Variants in SCARB1 observed in about 807,000 individuals in gnomAD.
SCARB1 encodes the protein CD36 and LIMPII analogous 1.
In SCARB1, 30 loss-of-function variants were observed where a neutral mutation model predicts 57.2. The observed-to-expected ratio is 0.52, with a 90% CI of 0.39 to 0.71. SCARB1 has a LOEUF of 0.71. Ranked by LOEUF, SCARB1 falls within the 30% of genes least tolerant of loss-of-function variation. The pLI, the probability that SCARB1 is intolerant of heterozygous loss-of-function variation, is 0.00. For synonymous variants in SCARB1, 249 were observed against 268.3 expected (o/e 0.93, Z 0.70); for missense variants, 543 against 671.2 (o/e 0.81, Z 2.11).
intron 9 of SCARB1, among the ~76,000 whole-genome samples, chr12:124,791,632 G>A (rs377123583): frequency 2.0e-5 from 3 of 152,134 alleles, no homozygotes; most frequent in Non-Finnish European, 2.9e-5. Flanking sequence ...ACTGAGGGGC[G>A]GTGACGAAAG....
chr12:124,827,930 G>C (rs914223548), intron 1 of SCARB1, among the ~76,000 whole-genome samples: 7 of 152,154 alleles, frequency 4.6e-5, no homozygotes, highest in Non-Finnish European at 8.8e-5. Flanking sequence ...AAGATCCTCA[G>C]CTGCTTTGTT....
intron 1 of SCARB1, among the ~76,000 whole-genome samples, chr12:124,843,563 C>T (rs975439262): frequency 1.3e-5 from 2 of 152,200 alleles, no homozygotes; most frequent in Admixed American, 6.5e-5. Flanking sequence ...CACCTGCACA[C>T]ATAGTGCTGG....
chr12:124,836,223 G>T (rs940091230), intron 1 of SCARB1, among the ~76,000 whole-genome samples: 1 of 152,192 alleles, frequency 6.6e-6, no homozygotes, highest in African/African-American at 2.4e-5. Flanking sequence ...GACATCACAC[G>T]TATTCACTGG....
At chr12:124,782,953 G>A (rs1379480317) in intron 11 of SCARB1, 142 bp from the exon 12 acceptor site, 6 of 820,804 alleles carry the variant, frequency 7.3e-6, no homozygotes, top group South Asian at 1.5e-5. Flanking sequence ...ACGATTGCAG[G>A]TGGCTGAGAT....
At chr12:124,844,945 G>A (rs1225693863) in intron 1 of SCARB1, among the ~76,000 whole-genome samples, 2 of 151,448 alleles carry the variant, frequency 1.3e-5, no homozygotes, top group Non-Finnish European at 2.9e-5. Flanking sequence ...CCAGAGACTC[G>A]AAGAGCCTGT....
chr12:124,781,505 C>T (rs1020014614), intron 12 of SCARB1, among the ~76,000 whole-genome samples: 1 of 152,168 alleles, frequency 6.6e-6, no homozygotes, highest in African/African-American at 2.4e-5. Context: ...GCAAGGACAC[C>T]ATCCCTGGCC....
At chr12:124,790,090 A>G (rs1420624858) in intron 9 of SCARB1, among the ~76,000 whole-genome samples, 1 of 143,842 alleles carries the variant, frequency 7.0e-6, no homozygotes, top group East Asian at 2.2e-4. Context: ...TTAAAGAGGG[A>G]GAGGCCAAGT....
intron 1 of SCARB1, among the ~76,000 whole-genome samples, chr12:124,843,618 A>T (rs1952006416): frequency 6.6e-6 from 1 of 152,172 alleles, no homozygotes. Context: ...CTAGAACCTC[A>T]GAATGTGGCC....
chr12:124,859,351 C>A (rs1428366844), intron 1 of SCARB1, among the ~76,000 whole-genome samples: 1 of 152,064 alleles, frequency 6.6e-6, no homozygotes, highest in Non-Finnish European at 1.5e-5. Flanking sequence ...CACGGTGAAA[C>A]CCCATCTCTA....
In SCARB1 at chr12:124,789,904, G is replaced by A. The variant is rs1382150605; in HGVS notation, c.1203-2447C>T. Reference sequence around the variant, plus strand: ...CACATGCCTGTAATCCCAGCTACTCGGGAGGCTGAGGCAGGAGAATCACTT... The same window carrying A: ...CACATGCCTGTAATCCCAGCTACTCAGGAGGCTGAGGCAGGAGAATCACTT... On this transcript the variant is annotated intron_variant, in intron 9 of 12. Coordinates refer to ENST00000261693, the MANE Select transcript of SCARB1 (RefSeq NM_005505.5). This position sits in a 1 kb window ranked among gnomAD's most constrained non-coding sequence, Gnocchi z 4.4. Among the ~76,000 whole-genome samples the A allele has an allele frequency of 2.7e-5, 4 of 150,880 alleles. No homozygotes were observed. Among genetic ancestry groups the A allele is most frequent in the Admixed American group, 1.3e-4 (2 of 15,180 alleles).
Position 124,815,141 on chromosome 12 carries a change from G to A in SCARB1, c.285-27C>T, listed in dbSNP as rs201006347. On this transcript the variant is annotated intron_variant, in intron 2 of 12. Coordinates refer to ENST00000261693, the MANE Select transcript of SCARB1 (RefSeq NM_005505.5). ...TGTGGGGGAAGCCAGTGGGTCAGAC[G>A]CCCCGCCCCGCTGCATGGGACGTTT... The A allele has an allele frequency of 2.0e-5, 33 of 1,610,348 alleles. 1 individual carries two copies. In the South Asian group the frequency reaches 2.4e-4, roughly 12 times the overall value.
At chr12:124,834,910 C>G (rs1259501275) in intron 1 of SCARB1, among the ~76,000 whole-genome samples, 2 of 151,962 alleles carry the variant, frequency 1.3e-5, no homozygotes, top group Non-Finnish European at 2.9e-5. Context: ...CCTGTCCACC[C>G]CCCCAAAAAA....
At chr12:124,808,143 G>A (rs1393845944) in intron 6 of SCARB1, among the ~76,000 whole-genome samples, 1 of 152,072 alleles carries the variant, frequency 6.6e-6, no homozygotes, top group African/African-American at 2.4e-5. Context: ...TGTATTAGCC[G>A]TGGCCAGATG....
chr12:124,811,783 T>C (rs1404621960), intron 5 of SCARB1, 87 bp downstream of exon 5: 1 of 857,734 alleles, frequency 1.2e-6, no homozygotes, highest in Non-Finnish European at 1.9e-6. Context: ...GAAGGAGCTC[T>C]CTGGTCCCTG....
chr12:124,844,172 A>G (rs1952036355), intron 1 of SCARB1, among the ~76,000 whole-genome samples: 1 of 152,168 alleles, frequency 6.6e-6, no homozygotes, highest in African/African-American at 2.4e-5. Context: ...CAGGATGAAC[A>G]TGAATTAGGG....
chr12:124,863,712 G>A lies in SCARB1; in HGVS notation c.9C>T (p.Cys3=). 1.3e-6 allele frequency: 2 copies of A among 1,525,882 alleles called. No homozygotes were observed. Among genetic ancestry groups the A allele is most frequent in the Non-Finnish European group, 1.8e-6 (2 of 1,135,742 alleles). The allele number at this position is 1,525,882 out of a possible 1,614,324, so 94.5% of individuals were successfully genotyped here. MG[C]SAKARWAAGA... ...CGGCAGCCCAGCGCGCTTTGGCGGA[G>A]CAGCCCATGTCTGCGCGCCTGGGGC... The change falls in exon 1 of 13, where the codon TGC becomes TGT. Residue 3 remains cysteine (C), a synonymous_variant. Coordinates refer to ENST00000261693, the MANE Select transcript of SCARB1 (RefSeq NM_005505.5).
chr12:124,857,088 G>A (rs1347640660), intron 1 of SCARB1, among the ~76,000 whole-genome samples: 3 of 152,140 alleles, frequency 2.0e-5, no homozygotes, highest in African/African-American at 7.2e-5. Context: ...TAAGCATGCA[G>A]TCGACCTGCT....
In SCARB1 at chr12:124,817,527, C is replaced by G. The variant is rs556109727; in HGVS notation, c.284+23G>C. ...TGCCCAGCCTCAGCCGGCCCCTCCA[C>G]CCTCACCTGGACACAGCCTCACCTG... On this transcript the variant is annotated intron_variant, in intron 2 of 12. Transcript: ENST00000261693. This position sits in a 1 kb window ranked among gnomAD's most constrained non-coding sequence, Gnocchi z 4.8. 1 of 1,612,620 alleles carries G rather than the reference C, an allele frequency of 6.2e-7. No individual in the cohort carries two copies. Among genetic ancestry groups the G allele is most frequent in the Non-Finnish European group, 8.5e-7 (1 of 1,179,860 alleles).
intron 12 of SCARB1, among the ~76,000 whole-genome samples, chr12:124,781,434 C>T (rs1432030718): frequency 2.0e-5 from 3 of 152,158 alleles, no homozygotes; most frequent in Non-Finnish European, 2.9e-5. Flanking sequence ...CACGGTAGAG[C>T]GACTCATCCC....
Sources: gnomAD v4.1 joint callset for allele counts (sites outside exome capture counted in the v4.1 genomes callset) on GRCh38, gnomAD v4.1.1 for gene constraint, Gnocchi (gnomAD v3.1) non-coding constraint, MANE v1.5 for transcripts, NCBI Gene and HGNC (gene_info 2026-07-23, HGNC 2026-07-21) for gene names.